Variants in TMEM212 observed in about 807,000 individuals in gnomAD.
TMEM212 encodes transmembrane protein 212.
A neutral mutation model predicts 20.5 loss-of-function variants in TMEM212; 23 were observed. That is an observed-to-expected ratio of 1.12 (90% CI 0.81 to 1.59). The LOEUF is 1.59. Among genes scored for constraint, TMEM212 ranks in the 40% most tolerant of loss-of-function variants. The pLI is 0.00. For missense variants in TMEM212, 211 were observed against 215.0 expected, an observed-to-expected ratio of 0.98 and a Z score of 0.12; for synonymous variants, 76 against 81.6, an observed-to-expected ratio of 0.93 and a Z score of 0.37.
At chr3:171,844,020 G>A (rs1251331083) in intron 1 of TMEM212, among the ~76,000 whole-genome samples, 2 of 152,032 alleles carry the variant, frequency 1.3e-5, no homozygotes. Flanking sequence ...CCTTTCTCTT[G>A]CAAGCAACTG....
At chr3:171,855,514 C>T (rs1725093900) in intron 3 of TMEM212, among the ~76,000 whole-genome samples, 1 of 152,042 alleles carries the variant, frequency 6.6e-6, no homozygotes, top group Non-Finnish European at 1.5e-5. Context: ...TTATTGAGTA[C>T]CTATTATGTG....
At chr3:171,855,293 G>A (rs1373014628) in intron 3 of TMEM212, among the ~76,000 whole-genome samples, 1 of 152,044 alleles carries the variant, frequency 6.6e-6, no homozygotes, top group East Asian at 1.9e-4. Context: ...GTAGGAAAGG[G>A]AATTGCTTTT....
intron 1 of TMEM212, among the ~76,000 whole-genome samples, chr3:171,850,510 T>C (rs548597348): frequency 6.6e-5 from 10 of 152,370 alleles, no homozygotes; most frequent in Admixed American, 3.3e-4. Context: ...GGCGTGAGCC[T>C]GTCTCCCTTG....
chr3:171,855,406 A>C (rs1191195498), intron 3 of TMEM212, among the ~76,000 whole-genome samples: 1 of 152,184 alleles, frequency 6.6e-6, no homozygotes, highest in Non-Finnish European at 1.5e-5. Context: ...TGAGGTCAGG[A>C]GTTCAAAACC....
intron 1 of TMEM212, among the ~76,000 whole-genome samples, chr3:171,847,871 A>G (rs1186813168): frequency 6.6e-6 from 1 of 152,174 alleles, no homozygotes; most frequent in Non-Finnish European, 1.5e-5. Context: ...CTGACTCATC[A>G]GCAGCAGGGT....
chr3:171,844,748 A>T (rs1399949187), intron 1 of TMEM212, among the ~76,000 whole-genome samples: 1 of 152,216 alleles, frequency 6.6e-6, no homozygotes, highest in Admixed American at 6.5e-5. Flanking sequence ...GTGAGATAGT[A>T]TCTTAAATCT....
intron 4 of TMEM212, among the ~76,000 whole-genome samples, chr3:171,857,542 A>G (rs1725148076): frequency 6.6e-6 from 1 of 152,240 alleles, no homozygotes; most frequent in African/African-American, 2.4e-5. Flanking sequence ...AGAAATAAAC[A>G]GTGGGACTAC....
At position 171,853,322 on chromosome 3, in the gene TMEM212, T is replaced by C. The variant is rs111629146; in HGVS notation, c.220-205T>C. 7.7e-3 allele frequency among the ~76,000 whole-genome samples: 1,024 copies of C among 132,194 alleles called. 9 individuals carry two copies. The highest frequency in any genetic ancestry group is 0.029 in the African/African-American group (977 of 34,014). The allele number at this position is 132,194 out of a possible 152,430, so 86.7% of individuals were successfully genotyped here. A position where few individuals can be genotyped will look rare whatever the true frequency, so the allele number is the denominator to read the frequency against. On this transcript the variant is annotated intron_variant, in intron 2 of 4. Coordinates refer to ENST00000334567, the MANE Select transcript of TMEM212 (RefSeq NM_001164436.2). ...CACATGTATCCCGGTACTTAAAAAG[T>C]GAAAAAAAAAAAAAGAAAATGAATA...
Position 171,858,693 on chromosome 3 carries a change from C to T in TMEM212, c.*636C>T, listed in dbSNP as rs1284613958. On this transcript the variant is annotated 3_prime_UTR_variant, in exon 5 of 5. Transcript: ENST00000334567. ...ACCCATCTGACAAACAGCTAATATC[C>T]AGAATCTACAAAGAACTTAAACAAA... 1 of 151,322 alleles carries T rather than the reference C, an allele frequency of 6.6e-6. No homozygotes were observed. The highest frequency in any genetic ancestry group is 1.9e-4 in the East Asian group (1 of 5,194). The allele number at this position is 151,322 out of a possible 1,614,324, so 9.4% of individuals were successfully genotyped here. A position where few individuals can be genotyped will look rare whatever the true frequency, so the allele number is the denominator to read the frequency against.
intron 1 of TMEM212, among the ~76,000 whole-genome samples, chr3:171,846,185 T>C (rs1263544849): frequency 3.9e-5 from 6 of 152,212 alleles, no homozygotes; most frequent in Non-Finnish European, 7.3e-5. Flanking sequence ...TTGCACTACC[T>C]GCCCTCTGCC....
intron 3 of TMEM212, among the ~76,000 whole-genome samples, chr3:171,854,145 C>A (rs536056705): frequency 9.9e-5 from 15 of 152,210 alleles, no homozygotes; most frequent in African/African-American, 3.6e-4. Flanking sequence ...ACTCTCATTA[C>A]TTCTATTCAA....
At chr3:171,846,262 A>G (rs577878131) in intron 1 of TMEM212, among the ~76,000 whole-genome samples, 1 of 152,356 alleles carries the variant, frequency 6.6e-6, no homozygotes, top group Admixed American at 6.5e-5. Flanking sequence ...TCTTTATCAA[A>G]CAACACTTTT....
chr3:171,848,405 C>T (rs1724886331), intron 1 of TMEM212, among the ~76,000 whole-genome samples: 1 of 152,178 alleles, frequency 6.6e-6, no homozygotes, highest in South Asian at 2.1e-4. Context: ...CTATGCATTC[C>T]TTCCTTTTCC....
At chr3:171,854,766 A>G (rs1206971915) in intron 3 of TMEM212, among the ~76,000 whole-genome samples, 1 of 152,210 alleles carries the variant, frequency 6.6e-6, no homozygotes, top group Non-Finnish European at 1.5e-5. Flanking sequence ...CAGCAATCAA[A>G]ACAGTAAGGC....
intron 1 of TMEM212, among the ~76,000 whole-genome samples, chr3:171,850,268 T>C (rs541416580): frequency 6.6e-6 from 1 of 152,294 alleles, no homozygotes; most frequent in African/African-American, 2.4e-5. Flanking sequence ...ATTTAACAAG[T>C]TACTGAAGGC....
chr3:171,853,922 A>G (rs1725052903), intron 3 of TMEM212, 72 bp downstream of exon 3: 2 of 1,173,794 alleles, frequency 1.7e-6, no homozygotes, highest in African/African-American at 1.5e-5. Context: ...TGGTATGTGA[A>G]CAGTTGATCT....
intron 1 of TMEM212, among the ~76,000 whole-genome samples, chr3:171,848,634 G>C (rs1724895408): frequency 6.6e-6 from 1 of 151,550 alleles, no homozygotes; most frequent in Non-Finnish European, 1.5e-5. Flanking sequence ...GAGTAGAGTG[G>C]AGTGGAGTGG....
chr3:171,857,286 T>G lies in TMEM212; in HGVS notation c.*3+579T>G, dbSNP rs1340186991. Among the ~76,000 whole-genome samples the G allele has an allele frequency of 9.9e-5, 15 of 151,854 alleles. 1 individual carries two copies. The highest frequency in any genetic ancestry group is 9.8e-4 in the Admixed American group (15 of 15,242). On this transcript the variant is annotated intron_variant, in intron 4 of 4. Coordinates refer to ENST00000334567, the MANE Select transcript of TMEM212 (RefSeq NM_001164436.2). ...ATTTGACAAGGGTGTCAGGAATGCATAATGAGGAATAATAGCCTTTTTAAT... is the reference window on the plus strand; with the variant it reads ...ATTTGACAAGGGTGTCAGGAATGCAGAATGAGGAATAATAGCCTTTTTAAT...
rs578227354 is a variant in TMEM212 at position 171,859,177 on chromosome 3, C to G, written c.*1120C>G. 5 of 152,130 alleles carry G rather than the reference C, an allele frequency of 3.3e-5. No individual in the cohort carries two copies. Among genetic ancestry groups the G allele is most frequent in the Admixed American group, 2.6e-4 (4 of 15,258 alleles). The allele number at this position is 152,130 out of a possible 1,614,324, so 9.4% of individuals were successfully genotyped here. On this transcript the variant is annotated 3_prime_UTR_variant, in exon 5 of 5. Coordinates refer to ENST00000334567, the MANE Select transcript of TMEM212 (RefSeq NM_001164436.2). ...GGGTGGGAGGCTGGGGGAGGGATAG[C>G]ATTAGGAGAAATTCCTAATGTAGAT...
Sources: gnomAD v4.1 joint callset for allele counts (sites outside exome capture counted in the v4.1 genomes callset) on GRCh38, gnomAD v4.1.1 for gene constraint, MANE v1.5 for transcripts, NCBI Gene and HGNC (gene_info 2026-07-23, HGNC 2026-07-21) for gene names.